Variants in VPS45 observed in about 807,000 individuals in gnomAD.
VPS45 encodes the protein vacuolar protein sorting-associated protein 45.
A neutral mutation model predicts 75.9 loss-of-function variants in VPS45; 35 were observed. That is an observed-to-expected ratio of 0.46 (90% CI 0.35 to 0.61). VPS45 has a LOEUF of 0.61. Among genes scored for constraint, VPS45 ranks in the 20% least tolerant of loss-of-function variants. The pLI is 0.00. For synonymous variants in VPS45, 220 were observed against 238.2 expected, an observed-to-expected ratio of 0.92 and a Z score of 0.70; for missense variants, 559 against 685.9, an observed-to-expected ratio of 0.81 and a Z score of 2.07.
At chr1:150,094,885 G>C (rs931386692) in intron 13 of VPS45, among the ~76,000 whole-genome samples, 1 of 152,154 alleles carries the variant, frequency 6.6e-6, no homozygotes, top group Non-Finnish European at 1.5e-5. Flanking sequence ...GTACACAGCA[G>C]GAAACCTTTC....
chr1:150,133,750 C>CT (rs782541304), intron 14 of VPS45, among the ~76,000 whole-genome samples: 14 of 152,140 alleles, frequency 9.2e-5, no homozygotes, highest in Non-Finnish European at 1.5e-4. Context: ...TGATAACTAC[C>CT]TTTCAGATAT....
Position 150,093,422 on chromosome 1 carries a change from A to G in VPS45, c.1372-105A>G, listed in dbSNP as rs587665908. The G allele has an allele frequency of 5.5e-6, 7 of 1,272,408 alleles. No homozygotes were observed. The African/African-American group carries it at 1.0e-4, about 19-fold the overall frequency. 78.8% of individuals were successfully genotyped at this position (1,272,408 alleles called of 1,614,324 possible). A position where few individuals can be genotyped will look rare whatever the true frequency, so the allele number is the denominator to read the frequency against. The stretch of plus-strand genomic sequence containing the variant: ...TCCCACAGTTACGTAAATCTATCCC[A>G]TGAAATCTCTATTGAGTGTATGTCC... On this transcript the variant is annotated intron_variant, in intron 12 of 14. Coordinates refer to ENST00000644510, the MANE Select transcript of VPS45 (RefSeq NM_007259.5).
chr1:150,140,334 A>C (rs1325793564), intron 14 of VPS45, among the ~76,000 whole-genome samples: 1 of 152,010 alleles, frequency 6.6e-6, no homozygotes, highest in Non-Finnish European at 1.5e-5. Context: ...ATAGTTAAGA[A>C]GACAAACTGA....
chr1:150,114,191 C>G (rs1195684087), intron 14 of VPS45, among the ~76,000 whole-genome samples: 1 of 152,012 alleles, frequency 6.6e-6, no homozygotes, highest in Non-Finnish European at 1.5e-5. Flanking sequence ...AACTAAAGAA[C>G]ACTCTTGCCT....
intron 14 of VPS45, among the ~76,000 whole-genome samples, chr1:150,116,221 C>T (rs1657923625): frequency 6.6e-6 from 1 of 152,146 alleles, no homozygotes; most frequent in South Asian, 2.1e-4. Flanking sequence ...GATAGCCATG[C>T]ATCCTAAAAT....
chr1:150,098,778 G>A (rs1656806338), intron 13 of VPS45: 2 of 933,346 alleles, frequency 2.1e-6, no homozygotes, highest in Admixed American at 3.5e-5. Context: ...TCCACAAATT[G>A]GATTTGATCA....
At chr1:150,103,476 C>T (rs989554889) in intron 13 of VPS45, among the ~76,000 whole-genome samples, 19 of 152,112 alleles carry the variant, frequency 1.2e-4, no homozygotes, top group Non-Finnish European at 1.5e-5. Flanking sequence ...GTCATCTTTG[C>T]GAGGTACACA....
chr1:150,125,123 A>T (rs1284507960), intron 14 of VPS45, among the ~76,000 whole-genome samples: 3 of 149,874 alleles, frequency 2.0e-5, no homozygotes, highest in Admixed American at 6.6e-5. Context: ...TTATTTATTT[A>T]TTTTTTTGCT....
At chr1:150,078,234 A>T (rs587599419) in intron 7 of VPS45, among the ~76,000 whole-genome samples, 1 of 152,148 alleles carries the variant, frequency 6.6e-6, no homozygotes, top group Non-Finnish European at 1.5e-5. Context: ...GGCTTAAAAA[A>T]CTTCATTGGT....
chr1:150,082,040 G>A, intron 9 of VPS45, 43 bp downstream of exon 9: 1 of 1,279,442 alleles, frequency 7.8e-7, no homozygotes, highest in South Asian at 1.3e-5. Context: ...GTGACAGTTT[G>A]GTACTATTCA....
At chr1:150,100,823 A>G (rs782092437) in intron 13 of VPS45, among the ~76,000 whole-genome samples, 4 of 152,360 alleles carry the variant, frequency 2.6e-5, no homozygotes, top group African/African-American at 9.6e-5. Context: ...GTATACAAAA[A>G]TTTCAACTCA....
rs41264041 is a variant in VPS45 at position 150,077,268 on chromosome 1, G to A, written c.576+37G>A. On this transcript the variant is annotated intron_variant, in intron 6 of 14. Transcript: ENST00000644510. ...CCTATTCCTGGTTCCAAAACATAAA[G>A]GCCATTCATTTCTCTATCATATTTC... 4.5e-3 allele frequency: 7,077 copies of A among 1,590,284 alleles called. 28 individuals are homozygous for A. Among genetic ancestry groups the A allele is most frequent in the Non-Finnish European group, 5.1e-3 (5,973 of 1,171,368 alleles).
chr1:150,098,033 G>A (rs988287851), intron 13 of VPS45, among the ~76,000 whole-genome samples: 2 of 152,042 alleles, frequency 1.3e-5, no homozygotes, highest in African/African-American at 4.8e-5. Flanking sequence ...CATTTTTATA[G>A]AGACAAGGTT....
intron 14 of VPS45, among the ~76,000 whole-genome samples, chr1:150,111,172 C>A (rs1657628461): frequency 6.6e-6 from 1 of 152,060 alleles, no homozygotes; most frequent in African/African-American, 2.4e-5. Context: ...AAAACAAGTG[C>A]CCAGAGAGGC....
At chr1:150,122,430 A>G (rs1658284866) in intron 14 of VPS45, among the ~76,000 whole-genome samples, 1 of 152,136 alleles carries the variant, frequency 6.6e-6, no homozygotes, top group Non-Finnish European at 1.5e-5. Context: ...AGGAGCTGCA[A>G]GGAGGCTGGT....
intron 1 of VPS45, 38 bp downstream of exon 1, chr1:150,067,988 T>TC (rs1571803543): frequency 6.3e-7 from 1 of 1,579,874 alleles, no homozygotes; most frequent in African/African-American, 1.3e-5. Context: ...GAAGGAACCC[T>TC]CTCAACCTTA....
intron 14 of VPS45, among the ~76,000 whole-genome samples, chr1:150,122,531 TG>T (rs1245046976): frequency 6.6e-6 from 1 of 151,798 alleles, no homozygotes; most frequent in Non-Finnish European, 1.5e-5. Flanking sequence ...CCTTATATAC[TG>T]TGAGGACTGC....
intron 13 of VPS45, among the ~76,000 whole-genome samples, chr1:150,096,278 A>C (rs1553802991): frequency 6.6e-6 from 1 of 152,222 alleles, no homozygotes; most frequent in African/African-American, 2.4e-5. Flanking sequence ...TGGAAACAAG[A>C]GGAGAGTGTA....
In VPS45 at chr1:150,144,986, C is replaced by A; in HGVS notation, c.*190C>A. On this transcript the variant is annotated 3_prime_UTR_variant, in exon 15 of 15. Transcript: ENST00000644510. ...AGTTGTCCTAACAATAAGTCTGAGC[C>A]CATCTCAACCCACTTTTCTCCGGTA... is the stretch of plus-strand genomic sequence containing the variant. The A allele has an allele frequency of 2.8e-6, 4 of 1,433,348 alleles. No homozygotes were observed. Among genetic ancestry groups the A allele is most frequent in the Non-Finnish European group, 3.8e-6 (4 of 1,066,624 alleles). 88.8% of individuals were successfully genotyped at this position (1,433,348 alleles called of 1,614,324 possible).
Sources: allele counts gnomAD v4.1 joint callset (sites outside exome capture counted in the v4.1 genomes callset), GRCh38; gene constraint gnomAD v4.1.1; transcripts MANE v1.5; gene names NCBI Gene and HGNC (gene_info 2026-07-23, HGNC 2026-07-21).